The following ANK2 variants were observed in gnomAD, a reference collection of about 807,000 sequenced individuals.
ANK2 encodes the protein ankyrin-2.
In ANK2, 83 loss-of-function variants were observed where a neutral mutation model predicts 360.5. The observed-to-expected ratio is 0.23, with a 90% CI of 0.19 to 0.28. The LOEUF is 0.28. Among genes scored for constraint, ANK2 ranks in the 10% least tolerant of loss-of-function variants. ANK2 has a pLI of 1.00. For missense variants in ANK2, 4,201 were observed against 4,795.7 expected, an observed-to-expected ratio of 0.88 and a Z score of 3.66; for synonymous variants, 1,740 against 1,759.5, an observed-to-expected ratio of 0.99 and a Z score of 0.28.
At chr4:112,735,505 G>C in the ANK2 span, among the ~76,000 whole-genome samples, 1 of 151,762 alleles carries the variant, frequency 6.6e-6, no homozygotes, top group Non-Finnish European at 1.5e-5. Flanking sequence ...TCATCTTCCT[G>C]TCTCTACCTG....
At chr4:112,773,212 G>A in the ANK2 span, among the ~76,000 whole-genome samples, 2 of 152,148 alleles carry the variant, frequency 1.3e-5, no homozygotes, top group African/African-American at 2.4e-5. Context: ...AGCTACTGAG[G>A]TGGCTGAGGT....
the ANK2 span, among the ~76,000 whole-genome samples, chr4:112,742,574 G>A: frequency 6.6e-6 from 1 of 152,156 alleles, no homozygotes; most frequent in Admixed American, 6.5e-5. Flanking sequence ...TTTGCAAATA[G>A]AGGAATAATC....
chr4:113,262,307 G>A (rs902128727), intron 13 of ANK2, among the ~76,000 whole-genome samples: 4 of 152,068 alleles, frequency 2.6e-5, no homozygotes, highest in Admixed American at 2.6e-4. Context: ...GCTCACTGCA[G>A]CCTCAACCTC....
At chr4:113,307,040 G>A (rs2077537135) in intron 23 of ANK2, among the ~76,000 whole-genome samples, 2 of 152,198 alleles carry the variant, frequency 1.3e-5, no homozygotes, top group South Asian at 4.1e-4. Context: ...GTGGGGCTCA[G>A]AGATTTTGGC....
chr4:113,227,693 C>A (rs1342316705), intron 4 of ANK2, among the ~76,000 whole-genome samples: 2 of 152,140 alleles, frequency 1.3e-5, no homozygotes, highest in Non-Finnish European at 2.9e-5. Flanking sequence ...AGAGACTATT[C>A]AGTAACTGCC....
chr4:112,933,088 T>C (rs796903853), intron 2 of ANK2, among the ~76,000 whole-genome samples: 9 of 152,320 alleles, frequency 5.9e-5, no homozygotes, highest in African/African-American at 2.2e-4. Flanking sequence ...GAAATTGTTG[T>C]TACTTTTGTT....
chr4:113,039,526 T>A (rs1187809184), intron 2 of ANK2, among the ~76,000 whole-genome samples: 2 of 146,008 alleles, frequency 1.4e-5, no homozygotes, highest in Non-Finnish European at 3.0e-5. Flanking sequence ...TAGATAATGA[T>A]TTACATATTT....
chr4:113,071,773 T>C (rs2077644573), intron 1 of ANK2: 1 of 152,856 alleles, frequency 6.5e-6, no homozygotes, highest in Admixed American at 6.5e-5. Flanking sequence ...TTCATTCTCA[T>C]GCTGCTAATA....
chr4:112,719,447 G>A, the ANK2 span, among the ~76,000 whole-genome samples: 1 of 152,136 alleles, frequency 6.6e-6, no homozygotes, highest in East Asian at 1.9e-4. Flanking sequence ...GGTATAATTC[G>A]GCCGGGCACG....
intron 1 of ANK2, among the ~76,000 whole-genome samples, chr4:112,896,499 T>C (rs1268404284): frequency 1.3e-5 from 2 of 152,150 alleles, no homozygotes; most frequent in African/African-American, 4.8e-5. Context: ...AAAAAAAGGA[T>C]TGAGGAATGC....
At chr4:112,866,264 C>T (rs1013733011) in intron 1 of ANK2, among the ~76,000 whole-genome samples, 1 of 152,152 alleles carries the variant, frequency 6.6e-6, no homozygotes, top group Non-Finnish European at 1.5e-5. Context: ...CAACATGATA[C>T]AATGGGTGCT....
chr4:113,317,390 T>A (rs961816521), intron 24 of ANK2: 3 of 387,256 alleles, frequency 7.7e-6, no homozygotes, highest in African/African-American at 6.2e-5. Context: ...CTGAGTGAAT[T>A]TCTGGTACTG....
At chr4:112,759,461 C>T in the ANK2 span, among the ~76,000 whole-genome samples, 1 of 152,104 alleles carries the variant, frequency 6.6e-6, no homozygotes, top group Non-Finnish European at 1.5e-5. Flanking sequence ...TTTCTAATTA[C>T]CACATTTGAA....
intron 1 of ANK2, among the ~76,000 whole-genome samples, chr4:113,072,742 A>AT (rs34098456): frequency 0.098 from 7,303 of 74,170 alleles, 506 homozygotes; most frequent in South Asian, 0.18. Flanking sequence ...ACTTGGCATA[A>AT]TTTTTTTTTT....
chr4:113,302,758 T>A lies in ANK2; in HGVS notation c.2476-9T>A. On this transcript the variant is annotated splice_polypyrimidine_tract_variant and intron_variant, in intron 22 of 45. Coordinates refer to ENST00000357077, the MANE Select transcript of ANK2 (RefSeq NM_001148.6). The stretch of plus-strand genomic sequence containing the variant: ...TCAACTTGAACATTAATGATTTTTG[T>A]TTTTCCAGACTATTACAGAAAAACA... 6.2e-7 allele frequency: 1 copy of A among 1,611,222 alleles called. No individual in the cohort carries two copies. The highest frequency in any genetic ancestry group is 8.5e-7 in the Non-Finnish European group (1 of 1,177,520).
chr4:113,264,047 A>T (rs1232018172), intron 13 of ANK2, among the ~76,000 whole-genome samples: 1 of 152,188 alleles, frequency 6.6e-6, no homozygotes, highest in Non-Finnish European at 1.5e-5. Flanking sequence ...GGCCTACCTC[A>T]ACAGATGACA....
intron 2 of ANK2, among the ~76,000 whole-genome samples, chr4:112,973,391 A>G (rs1326763781): frequency 6.6e-6 from 1 of 152,194 alleles, no homozygotes; most frequent in Non-Finnish European, 1.5e-5. Context: ...AAGCAAAGTG[A>G]TGTGCTCAAG....
intron 1 of ANK2, among the ~76,000 whole-genome samples, chr4:113,159,218 C>G (rs962155964): frequency 6.6e-6 from 1 of 151,740 alleles, no homozygotes; most frequent in Admixed American, 6.6e-5. Flanking sequence ...CACACACACA[C>G]ACACACACAC....
At chr4:112,707,770 T>C in the ANK2 span, among the ~76,000 whole-genome samples, 3 of 152,220 alleles carry the variant, frequency 2.0e-5, no homozygotes, top group Non-Finnish European at 2.9e-5. Flanking sequence ...TAAAGCACTT[T>C]TATTGATCTA....
Sources: allele counts gnomAD v4.1 joint callset (sites outside exome capture counted in the v4.1 genomes callset), GRCh38; gene constraint gnomAD v4.1.1; transcripts MANE v1.5; gene names NCBI Gene and HGNC (gene_info 2026-07-23, HGNC 2026-07-21).